The following DUOX1 variants were observed in gnomAD, a reference collection of about 807,000 sequenced individuals.
The protein encoded by DUOX1 is NADPH thyroid oxidase 1.
In DUOX1, 134 loss-of-function variants were observed where a neutral mutation model predicts 181.8. The observed-to-expected ratio is 0.74, with a 90% CI of 0.64 to 0.85. The LOEUF is 0.85. Among genes scored for constraint, DUOX1 ranks in the 40% least tolerant of loss-of-function variants. DUOX1 has a pLI of 0.00. For synonymous variants in DUOX1, 798 were observed against 832.5 expected (o/e 0.96, Z 0.71); for missense variants, 1,814 against 2,064.4 (o/e 0.88, Z 2.35).
At chr15:45,156,284 C>T (rs1372085388) in intron 28 of DUOX1, among the ~76,000 whole-genome samples, 2 of 152,162 alleles carry the variant, frequency 1.3e-5, no homozygotes, top group Non-Finnish European at 2.9e-5. Flanking sequence ...GAGAGCATCA[C>T]CCTTTTTGAA....
intron 21 of DUOX1, 169 bp from the exon 22 acceptor site, chr15:45,150,463 T>A: frequency 1.6e-6 from 1 of 631,188 alleles, no homozygotes. Context: ...TGGGTCCAGC[T>A]CCCATTGGGG....
rs202047249 is a variant in DUOX1, at chr15:45,163,670, C to T, written c.4387C>T (p.Leu1463Phe). ...CACCCAGCTGGCTGAGAAGTTCGACCTCAGGACCACTATGCTGGTATGTCA... is the reference window on the plus strand; with the variant it reads ...CACCCAGCTGGCTGAGAAGTTCGACTTCAGGACCACTATGCTGGTATGTCA... Reference protein sequence around the residue: ...YITQLAEKFDLRTTMLYICER... With the variant: ...YITQLAEKFDFRTTMLYICER... The change falls in exon 32 of 34, where the codon CTC (leucine) becomes TTC (phenylalanine). Residue 1463 changes from leucine (L) to phenylalanine (F), a missense_variant. By Grantham distance (22) the Leu-to-Phe change is conservative (BLOSUM62 0). Transcript: ENST00000389037. The T allele has an allele frequency of 3.1e-6, 5 of 1,614,106 alleles. No homozygotes were observed. The highest frequency in any genetic ancestry group is 4.2e-6 in the Non-Finnish European group (5 of 1,180,016).
Position 45,148,385 on chromosome 15 carries a change from A to AT in DUOX1, c.2760dup (p.His921SerfsTer9). 6.2e-7 allele frequency: 1 copy of AT among 1,614,098 alleles called. No homozygotes were observed. Among genetic ancestry groups the AT allele is most frequent in the Non-Finnish European group, 8.5e-7 (1 of 1,180,026 alleles). On this transcript the variant is annotated frameshift_variant, in exon 21 of 34. Coordinates refer to ENST00000389037, the MANE Select transcript of DUOX1 (RefSeq NM_175940.3). LOFTEE classifies it high-confidence loss of function. Reference sequence around the variant, plus strand: ...GACAAGGAGGAACTGACATGGGAAGATTTTCACTTCATGCTGCGGGACCAC... The same window carrying AT: ...GACAAGGAGGAACTGACATGGGAAGATTTTTCACTTCATGCTGCGGGACCAC...
At chr15:45,154,755 T>A (rs1377542666) in intron 27 of DUOX1, among the ~76,000 whole-genome samples, 3 of 150,604 alleles carry the variant, frequency 2.0e-5, no homozygotes, top group African/African-American at 7.3e-5. Context: ...AACCTTTACT[T>A]TTTTATACTT....
At chr15:45,139,031 C>A in intron 10 of DUOX1, 35 bp from the exon 11 acceptor site, 1 of 1,594,596 alleles carries the variant, frequency 6.3e-7, no homozygotes, top group South Asian at 1.1e-5. Flanking sequence ...CCCCATTAAC[C>A]ACACCCCTTT....
In DUOX1 at chr15:45,135,790, G is replaced by T. The variant is rs1434349276; in HGVS notation, c.706G>T (p.Ala236Ser). ...CCCCACGTCGGATGCAGCCTTCGGG[G>T]CAGAGAGAGGGAACCGGGAACCCTT... ...NGPRGLYAFG[A>S]ERGNREPFLQ... Residue 236 changes from alanine (A) to serine (S), a missense_variant, in exon 7 of 34, where the codon GCA becomes TCA. This residue lies in a region of DUOX1 where 27 missense variants were observed against 90.8 expected (regional missense o/e 0.30). Coordinates refer to ENST00000389037, the MANE Select transcript of DUOX1 (RefSeq NM_175940.3). 5.5e-6 allele frequency: 8 copies of T among 1,446,062 alleles called. No individual in the cohort carries two copies. Among genetic ancestry groups the T allele is most frequent in the Non-Finnish European group, 7.4e-6 (8 of 1,084,722 alleles). 89.6% of individuals were successfully genotyped at this position (1,446,062 alleles called of 1,614,324 possible).
At chr15:45,134,875 C>A (rs906758263) in intron 4 of DUOX1, among the ~76,000 whole-genome samples, 5 of 152,246 alleles carry the variant, frequency 3.3e-5, no homozygotes, top group African/African-American at 1.2e-4. Flanking sequence ...TCCCAGTTAC[C>A]AAGGAGAAAG....
intron 9 of DUOX1, among the ~76,000 whole-genome samples, chr15:45,137,005 G>A (rs1896336191): frequency 6.6e-6 from 1 of 151,920 alleles, no homozygotes; most frequent in African/African-American, 2.4e-5. Flanking sequence ...TCTAAAATGT[G>A]TGCAATCTGA....
intron 9 of DUOX1, 47 bp from the exon 10 acceptor site, chr15:45,137,877 A>T: frequency 6.8e-7 from 1 of 1,465,042 alleles, no homozygotes; most frequent in East Asian, 2.4e-5. Flanking sequence ...GCCTGACATT[A>T]TAACCCCATT....
chr15:45,138,445 G>A lies in DUOX1; in HGVS notation c.1113+431G>A, dbSNP rs573706744. ...CACATCCCGGGCAGTGTGTGAATGC[G>A]TATGTGTGAGGGGGGTGGGGAGGAA... is the stretch of plus-strand genomic sequence containing the variant. On this transcript the variant is annotated intron_variant, in intron 10 of 33. Transcript: ENST00000389037. Among the ~76,000 whole-genome samples the A allele has an allele frequency of 5.3e-5, 8 of 152,308 alleles. No homozygotes were observed. The South Asian group carries it at 1.2e-3, about 24-fold the overall frequency.
rs1350552047 is a variant in DUOX1 at position 45,139,168 on chromosome 15, G to A, written c.1216G>A (p.Asp406Asn). 3 of 1,614,176 alleles carry A rather than the reference G, an allele frequency of 1.9e-6. No individual in the cohort carries two copies. Among genetic ancestry groups the A allele is most frequent in the South Asian group, 2.2e-5 (2 of 91,076 alleles). Residue 406 changes from aspartate to asparagine, a missense_variant and splice_region_variant, in exon 11 of 34, where the codon GAT becomes AAT. Asp to Asn is a conservative substitution (Grantham distance 23). Transcript: ENST00000389037. ...CCATGTGTTGGTTGAAGATGTGCGG[G>A]GTGAGTCTGAGGCTGTCCCTGCAGG... ...EDHVLVEDVR[D>N]FWPGPLKFSR...
intron 18 of DUOX1, among the ~76,000 whole-genome samples, chr15:45,145,381 C>T (rs1477525212): frequency 6.6e-6 from 1 of 152,174 alleles, no homozygotes; most frequent in African/African-American, 2.4e-5. Context: ...CTCAGCCTGC[C>T]TCAAAGGCTG....
chr15:45,156,932 C>T (rs1176987972), intron 28 of DUOX1, among the ~76,000 whole-genome samples: 1 of 152,148 alleles, frequency 6.6e-6, no homozygotes, highest in Non-Finnish European at 1.5e-5. Context: ...TCCTCATGAG[C>T]AGAGGCAATT....
chr15:45,135,118 T>G lies in DUOX1; in HGVS notation c.322T>G (p.Ser108Ala). Residue 108 changes from serine to alanine, a missense_variant, in exon 5 of 34, where the codon TCA (serine) becomes GCA (alanine). Ser to Ala is a moderately conservative substitution (Grantham distance 99). Around this residue, in one of 5 missense-constraint regions of DUOX1, gnomAD observed 320 missense variants for 313.1 expected, o/e 1.02. Coordinates refer to ENST00000389037, the MANE Select transcript of DUOX1 (RefSeq NM_175940.3). ...ACTGCCCGCAGGCTATCACGTGCTT[T>G]CAGACCTGGTGAGCGTGGAAACTCC... is the stretch of plus-strand genomic sequence containing the variant. ...LGVFFGYHVL[S>A]DLVSVETPGC... is the part of the protein sequence containing the mutation. The G allele has an allele frequency of 6.2e-7, 1 of 1,613,746 alleles. No individual in the cohort carries two copies. The highest frequency in any genetic ancestry group is 2.2e-5 in the East Asian group (1 of 44,836).
chr15:45,136,247 T>A lies in DUOX1; in HGVS notation c.865-103T>A. ...GAGTTGCTTCTCCCATGACTGACCC[T>A]GGCTGGTCCTCATCTCCACACGGAA... On this transcript the variant is annotated intron_variant, in intron 7 of 33. Transcript: ENST00000389037. The A allele has an allele frequency of 1.9e-6, 3 of 1,547,488 alleles. No homozygotes were observed. The South Asian group carries it at 3.5e-5, about 18-fold the overall frequency.
chr15:45,132,303 C>G (rs1006509606), intron 2 of DUOX1, among the ~76,000 whole-genome samples: 14 of 152,212 alleles, frequency 9.2e-5, no homozygotes, highest in African/African-American at 3.1e-4. Context: ...TCTCTCCTCT[C>G]TCTTCTCTTG....
In DUOX1 at chr15:45,147,925, G is replaced by A. The variant is rs140987410; in HGVS notation, c.2570G>A (p.Arg857His). ...CCAGGCTCTCCTGAGGAAAAGTCTC[G>A]CCTTATGTTCCGCATGTACGACTTT... ...FMKGSPEEKS[R>H]LMFRMYDFDG... The change falls in exon 20 of 34, where the codon CGC (arginine) becomes CAC (histidine). Residue 857 changes from arginine (R) to histidine (H), a missense_variant. Arg to His is a conservative substitution (Grantham distance 29). Transcript: ENST00000389037. 146 of 1,614,074 alleles carry A rather than the reference G, an allele frequency of 9.0e-5. No homozygotes were observed. The African/African-American group carries it at 1.7e-3, about 18-fold the overall frequency.
rs760837835 is a variant in DUOX1, at chr15:45,150,639, G to A, written c.2826G>A (p.Glu942=). Residue 942 remains glutamate, a synonymous_variant, in exon 22 of 34, where the codon GAG becomes GAA. Transcript: ENST00000389037. ...RFTQLCVKGV[E]VPEVIKDLCR... ...CCTGGCTCTGCTTTGCAGGGGTGGA[G>A]GTGCCTGAAGTCATCAAGGACCTCT... 11 of 1,613,922 alleles carry A rather than the reference G, an allele frequency of 6.8e-6. No homozygotes were observed. The highest frequency in any genetic ancestry group is 6.8e-6 in the Non-Finnish European group (8 of 1,180,000).
At chr15:45,163,767 TG>T in intron 32 of DUOX1, 22 bp from the exon 33 acceptor site, 1 of 1,613,742 alleles carries the variant, frequency 6.2e-7, no homozygotes, top group Middle Eastern at 1.7e-4. Flanking sequence ...GGCTGAACTT[TG>T]TTCCACCCTT....
Sources: gnomAD v4.1 joint callset for allele counts (sites outside exome capture counted in the v4.1 genomes callset) on GRCh38, gnomAD v4.1.1 for gene constraint, gnomAD v4.1.1 regional missense constraint, MANE v1.5 for transcripts, NCBI Gene and HGNC (gene_info 2026-07-23, HGNC 2026-07-21) for gene names.